Variants in CDH18 observed in about 807,000 individuals in gnomAD.
CDH18 encodes cadherin-18.
CDH18 carries 31 observed loss-of-function variants against 67.9 expected under a neutral mutation model. The observed-to-expected ratio is 0.46, with a 90% confidence interval of 0.34 to 0.62. The LOEUF is 0.62. CDH18 is among the 20% of genes least tolerant of loss of function. CDH18 has a pLI of 0.01. For missense variants in CDH18, 890 were observed against 975.5 expected (o/e 0.91, Z 1.17); for synonymous variants, 362 against 347.2 (o/e 1.04, Z -0.48).
chr5:19,633,523 A>G (rs1752695045), intron 5 of CDH18, among the ~76,000 whole-genome samples: 1 of 152,166 alleles, frequency 6.6e-6, no homozygotes, highest in African/African-American at 2.4e-5. Flanking sequence ...TCTTTATAAA[A>G]TTATTTTGAC....
intron 2 of CDH18, among the ~76,000 whole-genome samples, chr5:20,177,360 G>T (rs1188551888): frequency 4.6e-5 from 7 of 152,096 alleles, no homozygotes; most frequent in Non-Finnish European, 1.0e-4. Context: ...GGGAAAATGG[G>T]AGAACCAAAG....
chr5:20,344,860 T>C (rs1040887932), intron 1 of CDH18, among the ~76,000 whole-genome samples: 2 of 152,124 alleles, frequency 1.3e-5, no homozygotes, highest in Admixed American at 1.3e-4. Flanking sequence ...AAGTAACATA[T>C]GGGGCCTATT....
At chr5:19,869,019 A>G (rs567055377) in intron 2 of CDH18, among the ~76,000 whole-genome samples, 1 of 152,324 alleles carries the variant, frequency 6.6e-6, no homozygotes, top group East Asian at 1.9e-4. Flanking sequence ...TCATTAAGGG[A>G]CAAAATAAGT....
chr5:19,678,503 G>A (rs1367067407), intron 5 of CDH18, among the ~76,000 whole-genome samples: 3 of 151,844 alleles, frequency 2.0e-5, no homozygotes, highest in Non-Finnish European at 4.4e-5. Flanking sequence ...GAAGATTATA[G>A]CTCTTAATGC....
chr5:19,542,294 T>C (rs1473344255), intron 9 of CDH18, among the ~76,000 whole-genome samples: 3 of 152,094 alleles, frequency 2.0e-5, no homozygotes, highest in Admixed American at 2.0e-4. Context: ...TTGGTGGAAA[T>C]ATGAAGAAAT....
chr5:19,751,263 G>C (rs1251790758), intron 3 of CDH18, among the ~76,000 whole-genome samples: 2 of 152,108 alleles, frequency 1.3e-5, no homozygotes, highest in African/African-American at 4.8e-5. Flanking sequence ...CCTTGGGGAA[G>C]AATAACTTTA....
At chr5:20,145,674 A>C (rs1389533020) in intron 2 of CDH18, among the ~76,000 whole-genome samples, 1 of 152,190 alleles carries the variant, frequency 6.6e-6, no homozygotes, top group Admixed American at 6.6e-5. Flanking sequence ...ATTAACCATC[A>C]TAATCTGTAA....
chr5:19,490,394 GTTTTTTTTTTTTTTTT>G (rs70950073), intron 11 of CDH18, among the ~76,000 whole-genome samples: 3 of 60,210 alleles, frequency 5.0e-5, no homozygotes, highest in African/African-American at 6.7e-5. Context: ...ATAAAAATCT[GTTTTTTTTTTTTTTTT>G]TTTTTTTTTT....
intron 2 of CDH18, among the ~76,000 whole-genome samples, chr5:20,172,248 A>ATATGTATATATATATACG (rs1736893121): frequency 7.5e-6 from 1 of 133,612 alleles, no homozygotes; most frequent in African/African-American, 3.0e-5. Context: ...ATGTATATAT[A>ATATGTATATATATATACG]TATATATATC....
rs551995917 is a variant in CDH18, at chr5:20,130,466, A to C, written c.-518+124978T>G. 2.0e-5 allele frequency among the ~76,000 whole-genome samples: 3 copies of C among 151,282 alleles called. No homozygotes were observed. In the East Asian group the frequency reaches 5.9e-4, roughly 30 times the overall value. ...TCATCTCACCCACATTACCTAAAAT[A>C]ATCTGCTTTATTCAGTCTAGTGATA... On this transcript the variant is annotated intron_variant, in intron 2 of 14. Coordinates refer to the CDH18 transcript ENST00000507958.
Position 20,468,006 on chromosome 5 carries a change from G to GTATGTATT in CDH18, c.-580+107455_-580+107456insAATACATA, listed in dbSNP as rs146218771. On this transcript the variant is annotated intron_variant, in intron 1 of 14. Transcript: ENST00000507958. ...TTATTTTATTTATGTATTTATTTATGTATTTATTTATTTATTTATTATTTT... is the reference window on the plus strand; with the variant it reads ...TTATTTTATTTATGTATTTATTTATGTATGTATTTATTTATTTATTTATTTATTATTTT... Among the ~76,000 whole-genome samples the GTATGTATT allele has an allele frequency of 4.7e-5, 7 of 148,592 alleles. No individual in the cohort carries two copies. The East Asian group carries it at 5.9e-4, about 13-fold the overall frequency.
At chr5:19,825,091 G>A (rs922263081) in intron 3 of CDH18, among the ~76,000 whole-genome samples, 10 of 151,802 alleles carry the variant, frequency 6.6e-5, no homozygotes, top group East Asian at 1.9e-4. Context: ...GACCTCACCC[G>A]CTCCTGCCAC....
At chr5:20,353,947 T>C (rs1741405937) in intron 1 of CDH18, among the ~76,000 whole-genome samples, 1 of 152,212 alleles carries the variant, frequency 6.6e-6, no homozygotes, top group Non-Finnish European at 1.5e-5. Flanking sequence ...GGCTTCTCGG[T>C]CAATTTACTT....
chr5:20,362,645 G>A (rs1179270367), intron 1 of CDH18, among the ~76,000 whole-genome samples: 1 of 152,130 alleles, frequency 6.6e-6, no homozygotes, highest in Non-Finnish European at 1.5e-5. Context: ...TTTTAGACAT[G>A]TTAAATTCAA....
At chr5:20,547,277 A>G (rs12515757) in intron 1 of CDH18, among the ~76,000 whole-genome samples, 66,967 of 151,892 alleles carry the variant, frequency 0.44, 15,208 homozygotes, top group East Asian at 0.57. Context: ...TAAAAGAATC[A>G]AACTGGCCAG....
chr5:19,623,982 C>CATTATTATT (rs70950078), intron 5 of CDH18, among the ~76,000 whole-genome samples: 10,926 of 139,712 alleles, frequency 0.078, 472 homozygotes, highest in South Asian at 0.11. Flanking sequence ...TGTCACACTC[C>CATTATTATT]ATTATTATTA....
intron 2 of CDH18, among the ~76,000 whole-genome samples, chr5:19,913,009 T>C (rs1210799060): frequency 6.6e-6 from 1 of 152,040 alleles, no homozygotes; most frequent in Admixed American, 6.6e-5. Context: ...GCAGAAAGAA[T>C]ATGGGTATTT....
At chr5:20,556,997 C>T (rs1757941134) in intron 1 of CDH18, among the ~76,000 whole-genome samples, 1 of 152,078 alleles carries the variant, frequency 6.6e-6, no homozygotes, top group South Asian at 2.1e-4. Flanking sequence ...AGAAAATTAC[C>T]ATATTTCTTT....
At chr5:19,987,529 G>A (rs1799691944) in intron 1 of CDH18, among the ~76,000 whole-genome samples, 1 of 151,012 alleles carries the variant, frequency 6.6e-6, no homozygotes. Flanking sequence ...GCAGGGATTC[G>A]TGGGAAGAAA....
Sources: allele counts gnomAD v4.1 joint callset (sites outside exome capture counted in the v4.1 genomes callset), GRCh38; gene constraint gnomAD v4.1.1; transcripts MANE v1.5; gene names NCBI Gene and HGNC (gene_info 2026-07-23, HGNC 2026-07-21).